METTL24: variants seen among roughly 807,000 people sequenced by gnomAD.
METTL24 encodes the protein probable methyltransferase-like protein 24.
In METTL24, 29 loss-of-function variants were observed where a neutral mutation model predicts 32.7. The observed-to-expected ratio is 0.89, with a 90% CI of 0.66 to 1.21. The LOEUF (loss-of-function observed/expected upper bound fraction) is 1.21, where lower values mean the gene tolerates loss of function less well. Among genes scored for constraint, METTL24 ranks in the 50% most tolerant of loss-of-function variants. The probability of loss-of-function intolerance (pLI) is 0.00; values close to 1 mark genes in which losing one functional copy is unlikely to be tolerated. For missense variants in METTL24, 439 were observed against 468.1 expected (o/e 0.94, Z 0.57); for synonymous variants, 163 against 179.5 (o/e 0.91, Z 0.73).
rs75887285 is a variant in METTL24 at position 110,247,055 on chromosome 6, T to C, written c.787-795A>G. Among the ~76,000 whole-genome samples, 22 of 152,206 alleles carry C rather than the reference T, an allele frequency of 1.4e-4. No homozygotes were observed. In the East Asian group the frequency reaches 2.9e-3, roughly 20 times the overall value. On this transcript the variant is annotated intron_variant, in intron 4 of 4. Transcript: ENST00000338882. ...AAGAAGAGGATTGTAATATCAATAT[T>C]TTGCAAATTAATCAAGTTATGAGAA...
chr6:110,277,763 T>C (rs1202780116), intron 4 of METTL24, among the ~76,000 whole-genome samples: 1 of 152,110 alleles, frequency 6.6e-6, no homozygotes, highest in African/African-American at 2.4e-5. Flanking sequence ...AATGTAGAGT[T>C]TTCTTATAAA....
intron 2 of METTL24, among the ~76,000 whole-genome samples, chr6:110,316,773 G>A: frequency 6.6e-6 from 1 of 152,168 alleles, no homozygotes; most frequent in East Asian, 1.9e-4. Context: ...GCATGTGCCT[G>A]TAGTCCCAGC....
intron 4 of METTL24, among the ~76,000 whole-genome samples, chr6:110,278,855 C>T (rs1771091346): frequency 6.6e-6 from 1 of 152,088 alleles, no homozygotes; most frequent in Non-Finnish European, 1.5e-5. Flanking sequence ...GACGTCATCT[C>T]TACAAAAAAT....
intron 3 of METTL24, among the ~76,000 whole-genome samples, chr6:110,306,996 A>G (rs1177852293): frequency 3.3e-5 from 5 of 152,242 alleles, no homozygotes; most frequent in African/African-American, 1.2e-4. Flanking sequence ...CTCATTTCTA[A>G]GTCCGCAGTG....
chr6:110,306,172 G>A (rs1771624749), intron 3 of METTL24, among the ~76,000 whole-genome samples: 1 of 151,964 alleles, frequency 6.6e-6, no homozygotes, highest in Admixed American at 6.6e-5. Flanking sequence ...GGGGGGCAAG[G>A]GGAGGGATAG....
At chr6:110,324,578 A>G (rs938502466) in intron 1 of METTL24, among the ~76,000 whole-genome samples, 2 of 152,200 alleles carry the variant, frequency 1.3e-5, no homozygotes, top group Admixed American at 1.3e-4. Context: ...TTTTGAACAA[A>G]AGGCCCTGCA....
chr6:110,354,246 G>A (rs574932213), intron 1 of METTL24, among the ~76,000 whole-genome samples: 5 of 152,262 alleles, frequency 3.3e-5, no homozygotes, highest in South Asian at 2.1e-4. Context: ...AGAAGGGGAC[G>A]AGGAAAGAAA....
intron 3 of METTL24, among the ~76,000 whole-genome samples, chr6:110,314,512 TCAAA>T (rs896464918): frequency 1.1e-4 from 17 of 152,226 alleles, no homozygotes; most frequent in Non-Finnish European, 8.8e-5. Flanking sequence ...TCAATTTTTC[TCAAA>T]CAGTTTTGAC....
At chr6:110,331,659 C>CAA (rs59304999) in intron 1 of METTL24, among the ~76,000 whole-genome samples, 1,905 of 58,700 alleles carry the variant, frequency 0.032, 70 homozygotes, top group African/African-American at 0.076. Flanking sequence ...GACCCTGCCT[C>CAA]AAAAAAAAAA....
intron 4 of METTL24, among the ~76,000 whole-genome samples, chr6:110,255,670 T>G (rs1047274162): frequency 6.6e-6 from 1 of 152,226 alleles, no homozygotes; most frequent in African/African-American, 2.4e-5. Context: ...TGCCTTAAAG[T>G]TACATTACCT....
chr6:110,358,086 C>A lies in METTL24; in HGVS notation c.187G>T (p.Gly63Cys). 1 of 998,028 alleles carries A rather than the reference C, an allele frequency of 1.0e-6. No individual in the cohort carries two copies. Among genetic ancestry groups the A allele is most frequent in the Non-Finnish European group, 1.2e-6 (1 of 839,956 alleles). The allele number at this position is 998,028 out of a possible 1,614,324, so 61.8% of individuals were successfully genotyped here. A position where few individuals can be genotyped will look rare whatever the true frequency, so the allele number is the denominator to read the frequency against. ...CTCCTGCTGGCGCCGCGCGGCTGGC[C>A]CGGCGCGGGCGGCAGGTGCGGCCCA... ...PPGPHLPPAPGQPRGASRRQV... is the reference protein window; with the variant it reads ...PPGPHLPPAPCQPRGASRRQV... The change falls in exon 1 of 5, where the codon GGC becomes TGC. Residue 63 changes from glycine to cysteine, a missense_variant. Coordinates refer to ENST00000338882, the MANE Select transcript of METTL24 (RefSeq NM_001123364.3).
Position 110,245,782 on chromosome 6 carries a change from C to A in METTL24, c.*164G>T, listed in dbSNP as rs1372408170. The stretch of plus-strand genomic sequence containing the variant: ...TCCCTTTAACAAGTATTGACTGTGC[C>A]CCATCACATGCCAAGCACTAGGCTG... On this transcript the variant is annotated 3_prime_UTR_variant, in exon 5 of 5. Coordinates refer to ENST00000338882, the MANE Select transcript of METTL24 (RefSeq NM_001123364.3). 41 of 651,844 alleles carry A rather than the reference C, an allele frequency of 6.3e-5. No homozygotes were observed. The highest frequency in any genetic ancestry group is 7.4e-5 in the Non-Finnish European group (28 of 375,848). 40.4% of individuals were successfully genotyped at this position (651,844 alleles called of 1,614,324 possible).
intron 1 of METTL24, among the ~76,000 whole-genome samples, chr6:110,353,944 A>G (rs928976093): frequency 2.6e-5 from 4 of 152,202 alleles, no homozygotes; most frequent in African/African-American, 7.2e-5. Context: ...AGAAAGAAAA[A>G]AAACCCAAAC....
intron 1 of METTL24, among the ~76,000 whole-genome samples, chr6:110,353,169 C>G (rs1358239089): frequency 1.3e-5 from 2 of 152,174 alleles, no homozygotes; most frequent in Non-Finnish European, 2.9e-5. Flanking sequence ...TATTTCACAC[C>G]CACATATTGC....
chr6:110,349,035 G>A (rs1047828589), intron 1 of METTL24, among the ~76,000 whole-genome samples: 6 of 152,088 alleles, frequency 3.9e-5, no homozygotes, highest in Non-Finnish European at 7.4e-5. Flanking sequence ...AGAGGCTCCC[G>A]TGCTGTATTC....
chr6:110,319,494 T>G (rs1771893644), intron 2 of METTL24, among the ~76,000 whole-genome samples: 1 of 151,956 alleles, frequency 6.6e-6, no homozygotes, highest in African/African-American at 2.4e-5. Flanking sequence ...TAAAACATAT[T>G]TTATTTTTTC....
chr6:110,345,150 T>C (rs925570971), intron 1 of METTL24, among the ~76,000 whole-genome samples: 4 of 152,074 alleles, frequency 2.6e-5, no homozygotes, highest in African/African-American at 7.2e-5. Context: ...AAGATTTACA[T>C]GCAGCCAGCA....
At chr6:110,321,466 C>A (rs1250165143) in intron 2 of METTL24, among the ~76,000 whole-genome samples, 1 of 152,116 alleles carries the variant, frequency 6.6e-6, no homozygotes, top group Non-Finnish European at 1.5e-5. Context: ...GTTCTCAAAT[C>A]CGATTCATAA....
At chr6:110,266,383 G>A (rs1482401498) in intron 4 of METTL24, among the ~76,000 whole-genome samples, 2 of 151,650 alleles carry the variant, frequency 1.3e-5, no homozygotes, top group Non-Finnish European at 2.9e-5. Flanking sequence ...GTGGATGTGC[G>A]ATAGACCAAT....
Sources: allele counts gnomAD v4.1 joint callset (sites outside exome capture counted in the v4.1 genomes callset), GRCh38; gene constraint gnomAD v4.1.1; transcripts MANE v1.5; gene names NCBI Gene and HGNC (gene_info 2026-07-23, HGNC 2026-07-21).